TEX14: variants seen among roughly 807,000 people sequenced by gnomAD.
The protein encoded by TEX14 is testis expressed 14, intercellular bridge forming factor.
TEX14 carries 168 observed loss-of-function variants against 178.6 expected under a neutral mutation model. The observed-to-expected ratio is 0.94, with a 90% CI of 0.83 to 1.07. The LOEUF (loss-of-function observed/expected upper bound fraction) is 1.07. Among genes scored for constraint, TEX14 ranks in the 50% least tolerant of loss-of-function variants. The pLI is 0.00. For synonymous variants in TEX14, 626 were observed against 634.1 expected, an observed-to-expected ratio of 0.99 and a Z score of 0.19; for missense variants, 1,730 against 1,753.6, an observed-to-expected ratio of 0.99 and a Z score of 0.24.
At chr17:58,674,368 C>A (rs747715148) in intron 1 of TEX14, among the ~76,000 whole-genome samples, 8 of 151,910 alleles carry the variant, frequency 5.3e-5, no homozygotes, top group Non-Finnish European at 1.2e-4. Context: ...GTGAGAATAA[C>A]TTATTTATGA....
chr17:58,610,863 G>A (rs1438270170), intron 10 of TEX14, among the ~76,000 whole-genome samples: 2 of 151,790 alleles, frequency 1.3e-5, no homozygotes, highest in Non-Finnish European at 2.9e-5. Context: ...TCCAGCCTGG[G>A]CAAGAGGGCA....
chr17:58,645,388 TCA>T (rs1378212765), intron 2 of TEX14, among the ~76,000 whole-genome samples: 1 of 151,746 alleles, frequency 6.6e-6, no homozygotes, highest in Non-Finnish European at 1.5e-5. Flanking sequence ...AGACGGAGTC[TCA>T]CTCTGCTGCC....
intron 2 of TEX14, chr17:58,631,885 A>C (rs149213831): frequency 3.3e-5 from 5 of 152,300 alleles, no homozygotes; most frequent in Admixed American, 6.5e-5. Context: ...CACACATATT[A>C]TGCTGATGGT....
At chr17:58,643,774 A>T (rs2046628234) in intron 2 of TEX14, among the ~76,000 whole-genome samples, 1 of 144,850 alleles carries the variant, frequency 6.9e-6, no homozygotes. Context: ...AGGGAGGCTG[A>T]GGCAGGAGAA....
intron 3 of TEX14, among the ~76,000 whole-genome samples, chr17:58,624,032 C>G (rs984136932): frequency 4.6e-5 from 7 of 152,140 alleles, no homozygotes; most frequent in African/African-American, 1.7e-4. Flanking sequence ...GCCTGTAATC[C>G]CAGCACTTTG....
chr17:58,605,139 G>A lies in TEX14; in HGVS notation c.1185-10C>T, dbSNP rs762348401. On this transcript the variant is annotated splice_polypyrimidine_tract_variant and intron_variant, in intron 10 of 31. Coordinates refer to ENST00000349033, the MANE Select transcript of TEX14 (RefSeq NM_031272.5). ...TACACCTCTGTCCTCGCTACGGAAG[G>A]AAACTCACAAGTCAGCGCTCATGCC... The A allele has an allele frequency of 6.2e-7, 1 of 1,613,228 alleles. No homozygotes were observed.
intron 1 of TEX14, among the ~76,000 whole-genome samples, chr17:58,683,373 C>G (rs947989536): frequency 6.8e-6 from 1 of 148,092 alleles, no homozygotes; most frequent in Admixed American, 6.8e-5. Flanking sequence ...ACTCCATCCC[C>G]CCCCCCAAAA....
chr17:58,616,438 CT>C (rs11454189), intron 6 of TEX14, 133 bp from the exon 7 acceptor site: 42,423 of 784,306 alleles, frequency 0.054, 1 homozygote, highest in South Asian at 0.081. Flanking sequence ...TGCACTGGGC[CT>C]TTTTTTTTTT....
chr17:58,688,523 A>G (rs2047639410), intron 1 of TEX14, among the ~76,000 whole-genome samples: 1 of 152,226 alleles, frequency 6.6e-6, no homozygotes, highest in African/African-American at 2.4e-5. Flanking sequence ...GAATGCTGTA[A>G]AAACTGAGAA....
rs1424792455 is a variant in TEX14, at chr17:58,617,623, G to C, written c.555-4C>G. ...GTTAGGAGAGCCATTAGGGTTTCTA[G>C]AAATATTTAAAACAGGAAAAAAACC... On this transcript the variant is annotated splice_polypyrimidine_tract_variant and splice_region_variant and intron_variant, in intron 5 of 31. Coordinates refer to ENST00000349033, the MANE Select transcript of TEX14 (RefSeq NM_031272.5). The C allele has an allele frequency of 2.5e-6, 4 of 1,606,880 alleles. No individual in the cohort carries two copies. The Admixed American group carries it at 5.0e-5, about 20-fold the overall frequency.
At chr17:58,601,726 G>C in intron 13 of TEX14, 80 bp downstream of exon 13, 3 of 1,289,518 alleles carry the variant, frequency 2.3e-6, no homozygotes, top group Non-Finnish European at 3.3e-6. Context: ...ACAGTTTAGA[G>C]GAGTCAATTA....
At chr17:58,573,411 T>C (rs1042296679) in intron 22 of TEX14, 103 bp from the exon 23 acceptor site, 7 of 1,084,220 alleles carry the variant, frequency 6.5e-6, no homozygotes, top group Admixed American at 2.1e-5. Context: ...ACAAAATTTG[T>C]ATGTGGCAAT....
chr17:58,565,726 C>T, intron 27 of TEX14, 21 bp downstream of exon 27: 1 of 1,579,914 alleles, frequency 6.3e-7, no homozygotes. Context: ...CTGATGAAAA[C>T]AATCTAGGTA....
chr17:58,669,242 C>T (rs2047263022), intron 1 of TEX14, among the ~76,000 whole-genome samples: 1 of 151,990 alleles, frequency 6.6e-6, no homozygotes, highest in Admixed American at 6.6e-5. Context: ...ATTCCAGCTA[C>T]TCAGGAGGCT....
rs545142477 is a variant in TEX14 at position 58,660,810 on chromosome 17, G to A, written c.-1-8808C>T. On this transcript the variant is annotated intron_variant, in intron 1 of 31. Transcript: ENST00000349033. ...CAGTCACTCACTGTCATGGAAGCCA[G>A]ACTTGGATAGCCAGCGCCAAATACT... The A allele has an allele frequency of 6.1e-5, 48 of 782,266 alleles. No individual in the cohort carries two copies. In the South Asian group the frequency reaches 6.4e-4, roughly 10 times the overall value. The allele number at this position is 782,266 out of a possible 1,614,324, so 48.5% of individuals were successfully genotyped here. A position where few individuals can be genotyped will look rare whatever the true frequency, so the allele number is the denominator to read the frequency against.
intron 20 of TEX14, 62 bp from the exon 21 acceptor site, chr17:58,577,518 A>T (rs2044709409): frequency 5.4e-6 from 3 of 551,890 alleles, no homozygotes; most frequent in Non-Finnish European, 8.3e-6. Flanking sequence ...TTGTCAACCC[A>T]AATTATTGTC....
chr17:58,663,602 G>T (rs1284087016), intron 1 of TEX14, among the ~76,000 whole-genome samples: 1 of 151,854 alleles, frequency 6.6e-6, no homozygotes. Flanking sequence ...GAGTAACTGG[G>T]ACTACAGGGA....
rs148323798 is a variant in TEX14 at position 58,692,000 on chromosome 17, T to G, written c.-63A>C. On this transcript the variant is annotated 5_prime_UTR_variant, in exon 1 of 32. It removes an upstream start codon present in the reference 5' UTR. Coordinates refer to ENST00000349033, the MANE Select transcript of TEX14 (RefSeq NM_031272.5). Reference sequence around the variant, plus strand: ...GAAATAACGGTCTCAGTAACCTCCATGCTCGGGATACGACTCCCGGGAAGA... The same window carrying G: ...GAAATAACGGTCTCAGTAACCTCCAGGCTCGGGATACGACTCCCGGGAAGA... 2 of 153,650 alleles carry G rather than the reference T, an allele frequency of 1.3e-5. No homozygotes were observed. Among genetic ancestry groups the G allele is most frequent in the Non-Finnish European group, 2.9e-5 (2 of 69,182 alleles). 9.5% of individuals were successfully genotyped at this position (153,650 alleles called of 1,614,324 possible).
chr17:58,662,191 C>T (rs1170896126), intron 1 of TEX14, among the ~76,000 whole-genome samples: 1 of 150,578 alleles, frequency 6.6e-6, no homozygotes, highest in African/African-American at 2.4e-5. Context: ...GTGGCTCACT[C>T]CTGTAATCCC....
Sources: gnomAD v4.1 joint callset for allele counts (sites outside exome capture counted in the v4.1 genomes callset) on GRCh38, gnomAD v4.1.1 for gene constraint, MANE v1.5 for transcripts, NCBI Gene and HGNC (gene_info 2026-07-23, HGNC 2026-07-21) for gene names.